The following SUGCT variants were observed in gnomAD, a reference collection of about 807,000 sequenced individuals.
SUGCT encodes the protein succinyl-CoA:glutarate-CoA transferase.
A neutral mutation model predicts 55.0 loss-of-function variants in SUGCT; 41 were observed. The ratio of observed to expected loss-of-function variants is 0.74; its 90% CI spans 0.58 to 0.97. The LOEUF (loss-of-function observed/expected upper bound fraction) is 0.97. Among genes scored for constraint, SUGCT ranks in the 50% least tolerant of loss-of-function variants. The probability of loss-of-function intolerance (pLI) is 0.00; values close to 1 mark genes in which losing one functional copy is unlikely to be tolerated. For synonymous variants in SUGCT, 187 were observed against 200.4 expected (o/e 0.93, Z 0.56); for missense variants, 568 against 547.8 (o/e 1.04, Z -0.37).
intron 13 of SUGCT, among the ~76,000 whole-genome samples, chr7:40,817,686 A>G (rs1236514430): frequency 1.3e-5 from 2 of 152,204 alleles, no homozygotes; most frequent in Non-Finnish European, 2.9e-5. Flanking sequence ...CCATGAACAT[A>G]TATATAGTTC....
At chr7:40,376,673 T>TG in intron 9 of SUGCT, among the ~76,000 whole-genome samples, 1 of 152,242 alleles carries the variant, frequency 6.6e-6, no homozygotes, top group South Asian at 2.1e-4. Flanking sequence ...ATTACAGGCG[T>TG]GAGCTACTGT....
chr7:40,820,059 A>G (rs979247611), intron 13 of SUGCT, among the ~76,000 whole-genome samples: 4 of 152,164 alleles, frequency 2.6e-5, no homozygotes, highest in Non-Finnish European at 5.9e-5. Flanking sequence ...GTCAAAGAAC[A>G]TATTGTTGTA....
At position 40,476,834 on chromosome 7, in the gene SUGCT, G is replaced by C. The variant is rs573387350; in HGVS notation, c.986+17636G>C. On this transcript the variant is annotated intron_variant, in intron 11 of 13. Transcript: ENST00000335693. Reference sequence around the variant, plus strand: ...TTTTTTTTTGAGACAGTCTCACTCTGTTGCCAAGGCTGGAGTGCAATGGCA... The same window carrying C: ...TTTTTTTTTGAGACAGTCTCACTCTCTTGCCAAGGCTGGAGTGCAATGGCA... Among the ~76,000 whole-genome samples, 42 of 148,672 alleles carry C rather than the reference G, an allele frequency of 2.8e-4. No homozygotes were observed. The South Asian group carries it at 6.4e-3, about 23-fold the overall frequency.
At chr7:40,582,532 G>A (rs2151714100) in intron 12 of SUGCT, among the ~76,000 whole-genome samples, 1 of 152,192 alleles carries the variant, frequency 6.6e-6, no homozygotes, top group Middle Eastern at 3.4e-3. Flanking sequence ...TCTTCTATTT[G>A]TAGACACTAT....
At chr7:40,598,236 A>G (rs1798118521) in intron 12 of SUGCT, among the ~76,000 whole-genome samples, 1 of 152,188 alleles carries the variant, frequency 6.6e-6, no homozygotes, top group South Asian at 2.1e-4. Context: ...AGCACTCAAT[A>G]TACTGGAACC....
At chr7:40,361,615 A>G (rs1798159257) in intron 9 of SUGCT, among the ~76,000 whole-genome samples, 1 of 152,012 alleles carries the variant, frequency 6.6e-6, no homozygotes, top group Non-Finnish European at 1.5e-5. Flanking sequence ...CTCTAGGAAG[A>G]AGTGATTTAA....
At chr7:41,022,064 G>A in the SUGCT span, among the ~76,000 whole-genome samples, 3 of 151,946 alleles carry the variant, frequency 2.0e-5, no homozygotes, top group Non-Finnish European at 4.4e-5. Context: ...AGAATTTTTT[G>A]GAATTGATTA....
the SUGCT span, among the ~76,000 whole-genome samples, chr7:40,889,041 G>T: frequency 6.6e-6 from 1 of 152,226 alleles, no homozygotes; most frequent in Non-Finnish European, 1.5e-5. Flanking sequence ...CACAAAAGTG[G>T]CAAGAAAATG....
intron 8 of SUGCT, among the ~76,000 whole-genome samples, chr7:40,290,789 G>A (rs1373222256): frequency 4.6e-5 from 7 of 152,038 alleles, no homozygotes; most frequent in African/African-American, 1.2e-4. Context: ...AATCTACAAT[G>A]AACTCAAACA....
At chr7:40,478,764 T>A (rs1259556005) in intron 11 of SUGCT, among the ~76,000 whole-genome samples, 1 of 152,078 alleles carries the variant, frequency 6.6e-6, no homozygotes, top group Non-Finnish European at 1.5e-5. Flanking sequence ...TTACTATATC[T>A]CCAGAACGTA....
intron 13 of SUGCT, among the ~76,000 whole-genome samples, chr7:40,827,761 GC>G (rs1792412991): frequency 6.6e-6 from 1 of 152,006 alleles, no homozygotes; most frequent in African/African-American, 2.4e-5. Context: ...TTGGTCTTAA[GC>G]AAGGCTGGCA....
chr7:40,479,812 G>A (rs1315398731), intron 11 of SUGCT, among the ~76,000 whole-genome samples: 1 of 152,030 alleles, frequency 6.6e-6, no homozygotes, highest in East Asian at 1.9e-4. Flanking sequence ...TCATTTGTAC[G>A]TCTTCTTTTA....
At chr7:40,683,860 G>T (rs186917720) in intron 12 of SUGCT, among the ~76,000 whole-genome samples, 79 of 152,296 alleles carry the variant, frequency 5.2e-4, no homozygotes, top group African/African-American at 1.8e-3. Flanking sequence ...CAAAACAAAT[G>T]TATTATCTAA....
intron 12 of SUGCT, among the ~76,000 whole-genome samples, chr7:40,656,742 C>G (rs1456812789): frequency 6.6e-6 from 1 of 152,148 alleles, no homozygotes; most frequent in Non-Finnish European, 1.5e-5. Context: ...GTTCTCGAAA[C>G]ATTAGAAGTT....
At chr7:40,894,094 A>G in the SUGCT span, among the ~76,000 whole-genome samples, 5 of 151,652 alleles carry the variant, frequency 3.3e-5, no homozygotes, top group African/African-American at 1.2e-4. Context: ...GGTTAAGTTT[A>G]CAGTAACCAA....
intron 13 of SUGCT, among the ~76,000 whole-genome samples, chr7:40,860,053 C>A (rs73689875): frequency 6.6e-6 from 1 of 152,198 alleles, no homozygotes; most frequent in Non-Finnish European, 1.5e-5. Flanking sequence ...CAAATAGGCC[C>A]GGCACAAATT....
intron 12 of SUGCT, among the ~76,000 whole-genome samples, chr7:40,712,357 A>G (rs985003323): frequency 6.6e-6 from 1 of 152,228 alleles, no homozygotes; most frequent in Admixed American, 6.5e-5. Flanking sequence ...TTTCTAGCCA[A>G]ATAAAGCATA....
At chr7:40,839,355 A>G (rs988514666) in intron 13 of SUGCT, among the ~76,000 whole-genome samples, 1 of 151,930 alleles carries the variant, frequency 6.6e-6, no homozygotes, top group African/African-American at 2.4e-5. Context: ...TAATCTTCCC[A>G]CCTTAGCCTC....
At chr7:40,329,684 A>C (rs144536739) in intron 9 of SUGCT, among the ~76,000 whole-genome samples, 5 of 152,260 alleles carry the variant, frequency 3.3e-5, no homozygotes, top group African/African-American at 9.6e-5. Context: ...GCATTTTAAC[A>C]AGATGTGTGC....
Sources: allele counts gnomAD v4.1 joint callset (sites outside exome capture counted in the v4.1 genomes callset), GRCh38; gene constraint gnomAD v4.1.1; transcripts MANE v1.5; gene names NCBI Gene and HGNC (gene_info 2026-07-23, HGNC 2026-07-21).